The following IQCM variants were observed in gnomAD, a reference collection of about 807,000 sequenced individuals.
The protein encoded by IQCM is IQ domain-containing protein M.
A neutral mutation model predicts 57.6 loss-of-function variants in IQCM; 45 were observed. That is an observed-to-expected ratio of 0.78 (90% CI 0.62 to 1.00). The LOEUF (loss-of-function observed/expected upper bound fraction) is 1.00. IQCM is among the 50% of genes least tolerant of loss of function. IQCM has a pLI of 0.00. For missense variants in IQCM, 468 were observed against 511.6 expected (o/e 0.91, Z 0.82); for synonymous variants, 148 against 158.9 (o/e 0.93, Z 0.51).
intron 8 of IQCM, among the ~76,000 whole-genome samples, chr4:149,606,206 A>C (rs557932179): frequency 6.6e-6 from 1 of 152,266 alleles, no homozygotes; most frequent in African/African-American, 2.4e-5. Flanking sequence ...GAATACCAGC[A>C]TCACCCCTCC....
chr4:149,789,567 C>T (rs1772388905), intron 2 of IQCM, among the ~76,000 whole-genome samples: 1 of 152,174 alleles, frequency 6.6e-6, no homozygotes, highest in Non-Finnish European at 1.5e-5. Context: ...TGTCTGTCAT[C>T]CAAGCACTTT....
intron 13 of IQCM, among the ~76,000 whole-genome samples, chr4:149,375,657 A>G (rs891324419): frequency 6.6e-6 from 1 of 152,168 alleles, no homozygotes; most frequent in East Asian, 1.9e-4. Context: ...AAAAATATGA[A>G]CTACAATTAT....
chr4:149,426,312 G>A (rs1734459022), intron 13 of IQCM, among the ~76,000 whole-genome samples: 1 of 151,870 alleles, frequency 6.6e-6, no homozygotes, highest in East Asian at 1.9e-4. Context: ...ACACATTTCT[G>A]AAAGCTAATC....
chr4:149,620,062 C>A (rs954967054), intron 8 of IQCM, among the ~76,000 whole-genome samples: 16 of 152,056 alleles, frequency 1.1e-4, no homozygotes, highest in African/African-American at 3.1e-4. Context: ...AAGGCTGAGG[C>A]ACAAGAATCA....
At chr4:149,358,882 A>ATCATGATATACTCTCATGAGTATAT in intron 13 of IQCM, among the ~76,000 whole-genome samples, 1 of 151,468 alleles carries the variant, frequency 6.6e-6, no homozygotes, top group African/African-American at 2.4e-5. Flanking sequence ...ATATCATGAG[A>ATCATGATATACTCTCATGAGTATAT]CCACAGTGGA....
chr4:149,717,530 T>C (rs1036808472), intron 5 of IQCM, among the ~76,000 whole-genome samples: 8 of 152,236 alleles, frequency 5.3e-5, no homozygotes, highest in Admixed American at 5.2e-4. Context: ...TTTATATAAA[T>C]ATACATCAAT....
chr4:149,741,186 TC>T (rs1426177711), intron 3 of IQCM, among the ~76,000 whole-genome samples: 4 of 152,142 alleles, frequency 2.6e-5, no homozygotes, highest in Non-Finnish European at 5.9e-5. Context: ...ACTCAACTCT[TC>T]AGTTCTAAAT....
At chr4:149,422,181 T>C (rs1428879824) in intron 13 of IQCM, among the ~76,000 whole-genome samples, 1 of 152,060 alleles carries the variant, frequency 6.6e-6, no homozygotes, top group Non-Finnish European at 1.5e-5. Flanking sequence ...TTTTGTTTTA[T>C]GAAAGATTTC....
At chr4:149,593,801 T>A (rs969321652) in intron 8 of IQCM, among the ~76,000 whole-genome samples, 2 of 152,300 alleles carry the variant, frequency 1.3e-5, no homozygotes, top group Admixed American at 6.5e-5. Context: ...ATCCCAAGGA[T>A]GAAGCCCAGT....
intron 13 of IQCM, among the ~76,000 whole-genome samples, chr4:149,398,272 C>T (rs1428791513): frequency 6.6e-6 from 1 of 151,834 alleles, no homozygotes; most frequent in African/African-American, 2.4e-5. Flanking sequence ...TATTTTGATG[C>T]TTTGTAATAT....
intron 12 of IQCM, among the ~76,000 whole-genome samples, chr4:149,481,704 T>TTTTTTTTTTTTGTTTTG (rs1740857829): frequency 7.4e-6 from 1 of 134,694 alleles, no homozygotes; most frequent in Non-Finnish European, 1.6e-5. Context: ...CAGTTTTGTT[T>TTTTTTTTTTTTGTTTTG]TTTTTTTTTT....
At chr4:149,385,780 A>C (rs1731382721) in intron 13 of IQCM, among the ~76,000 whole-genome samples, 1 of 152,092 alleles carries the variant, frequency 6.6e-6, no homozygotes, top group Non-Finnish European at 1.5e-5. Context: ...AAATAAGTTG[A>C]AGTTCTTCAA....
chr4:149,687,708 C>T (rs2149791000), intron 5 of IQCM, among the ~76,000 whole-genome samples: 1 of 152,000 alleles, frequency 6.6e-6, no homozygotes, highest in Non-Finnish European at 1.5e-5. Context: ...TAACAAAATA[C>T]TAGCTAACTG....
chr4:149,566,198 G>A (rs921627649), intron 9 of IQCM, among the ~76,000 whole-genome samples: 7 of 152,124 alleles, frequency 4.6e-5, no homozygotes, highest in African/African-American at 9.7e-5. Flanking sequence ...TGGCTTGTCC[G>A]TAGCATCAAG....
At chr4:149,393,909 G>T (rs1732038868) in intron 13 of IQCM, among the ~76,000 whole-genome samples, 1 of 151,914 alleles carries the variant, frequency 6.6e-6, no homozygotes, top group Non-Finnish European at 1.5e-5. Context: ...GTAAGAATGA[G>T]CAAAGAAAAT....
At chr4:149,668,892 A>G (rs1760986190) in intron 7 of IQCM, among the ~76,000 whole-genome samples, 1 of 152,202 alleles carries the variant, frequency 6.6e-6, no homozygotes, top group South Asian at 2.1e-4. Context: ...AAAGAGAAAG[A>G]GGAGAAAGGG....
At chr4:149,468,066 C>T (rs922725199) in intron 12 of IQCM, among the ~76,000 whole-genome samples, 2 of 152,152 alleles carry the variant, frequency 1.3e-5, no homozygotes, top group African/African-American at 4.8e-5. Flanking sequence ...CTGCAGCTCC[C>T]AGCGTGAGTG....
chr4:149,419,517 A>G (rs1294325180), intron 13 of IQCM, among the ~76,000 whole-genome samples: 1 of 152,078 alleles, frequency 6.6e-6, no homozygotes, highest in Non-Finnish European at 1.5e-5. Flanking sequence ...ACTTAAATGT[A>G]AGACCCCAAA....
chr4:149,386,723 G>GT (rs949891498), intron 13 of IQCM, among the ~76,000 whole-genome samples: 1 of 151,026 alleles, frequency 6.6e-6, no homozygotes, highest in East Asian at 1.9e-4. Context: ...CCTTTGTCAG[G>GT]TTTTTTTTTA....
Sources: gnomAD v4.1 joint callset for allele counts (sites outside exome capture counted in the v4.1 genomes callset) on GRCh38, gnomAD v4.1.1 for gene constraint, MANE v1.5 for transcripts, NCBI Gene and HGNC (gene_info 2026-07-23, HGNC 2026-07-21) for gene names.